PXDNL: variants seen among roughly 807,000 people sequenced by gnomAD.
The protein encoded by PXDNL is probable oxidoreductase PXDNL.
Under a neutral mutation model 150.8 loss-of-function variants are expected in PXDNL, and 145 were observed. The observed-to-expected ratio is 0.96, with a 90% CI of 0.84 to 1.10. The LOEUF is 1.10. Among genes scored for constraint, PXDNL ranks in the 50% least tolerant of loss-of-function variants. The probability of loss-of-function intolerance (pLI) is 0.00; values close to 1 mark genes in which losing one functional copy is unlikely to be tolerated. For missense variants in PXDNL, 2,087 were observed against 1,873.9 expected (o/e 1.11, Z -2.10); for synonymous variants, 757 against 725.7 (o/e 1.04, Z -0.69).
intron 5 of PXDNL, among the ~76,000 whole-genome samples, chr8:51,488,646 T>C (rs1810822643): frequency 6.6e-6 from 1 of 152,204 alleles, no homozygotes; most frequent in African/African-American, 2.4e-5. Context: ...TTACATCCAA[T>C]TGTTCAAACT....
At chr8:51,402,063 T>G (rs535027839) in intron 17 of PXDNL, among the ~76,000 whole-genome samples, 1 of 152,314 alleles carries the variant, frequency 6.6e-6, no homozygotes, top group South Asian at 2.1e-4. Flanking sequence ...TGCAAGTTTT[T>G]GGGAAGGAAT....
chr8:51,335,427 T>A (rs1443549594), intron 21 of PXDNL, among the ~76,000 whole-genome samples: 1 of 152,060 alleles, frequency 6.6e-6, no homozygotes, highest in Admixed American at 6.6e-5. Flanking sequence ...GGCTTGGGGA[T>A]CCTGTACAAA....
intron 4 of PXDNL, among the ~76,000 whole-genome samples, chr8:51,531,892 T>C (rs1423769354): frequency 1.3e-5 from 2 of 152,196 alleles, no homozygotes; most frequent in African/African-American, 4.8e-5. Flanking sequence ...CATAAAGTAA[T>C]GGTGAAGTGC....
intron 1 of PXDNL, among the ~76,000 whole-genome samples, chr8:51,773,367 C>T (rs566083463): frequency 6.6e-6 from 1 of 152,304 alleles, no homozygotes; most frequent in East Asian, 1.9e-4. Context: ...TACAGCCATT[C>T]TTTCACTCAG....
Position 51,671,912 on chromosome 8 carries a change from G to A in PXDNL, c.165-17152C>T, listed in dbSNP as rs185362330. 8.5e-5 allele frequency among the ~76,000 whole-genome samples: 13 copies of A among 152,274 alleles called. No individual in the cohort carries two copies. In the East Asian group the frequency reaches 9.6e-4, roughly 11 times the overall value. ...AGTTATTTGAAGAAGGTTGATAAGCGCATATTTTAAATAATGATTACCAAG... is the reference window on the plus strand; with the variant it reads ...AGTTATTTGAAGAAGGTTGATAAGCACATATTTTAAATAATGATTACCAAG... On this transcript the variant is annotated intron_variant, in intron 1 of 22. Transcript: ENST00000356297.
chr8:51,473,956 A>G (rs1810413127), intron 7 of PXDNL, among the ~76,000 whole-genome samples: 5 of 152,214 alleles, frequency 3.3e-5, no homozygotes. Flanking sequence ...AAGCTGGGAT[A>G]TCAGTTAAGA....
intron 2 of PXDNL, among the ~76,000 whole-genome samples, chr8:51,644,775 A>G (rs1814881903): frequency 6.6e-6 from 1 of 151,906 alleles, no homozygotes; most frequent in African/African-American, 2.4e-5. Flanking sequence ...TATTTTTAAA[A>G]AAATAAAAGC....
chr8:51,560,163 A>T (rs1271040560), intron 3 of PXDNL, among the ~76,000 whole-genome samples: 2 of 152,192 alleles, frequency 1.3e-5, no homozygotes, highest in South Asian at 4.1e-4. Flanking sequence ...GAAATTAAAG[A>T]GAATGTGAAT....
chr8:51,502,633 G>A (rs2130302137), intron 4 of PXDNL, among the ~76,000 whole-genome samples: 1 of 151,902 alleles, frequency 6.6e-6, no homozygotes, highest in South Asian at 2.1e-4. Flanking sequence ...TTCAAAGGGA[G>A]TATTCTAGCT....
intron 1 of PXDNL, among the ~76,000 whole-genome samples, chr8:51,775,481 C>G (rs1181662604): frequency 1.3e-5 from 2 of 152,148 alleles, no homozygotes; most frequent in Admixed American, 6.5e-5. Context: ...AGTCAAGGAC[C>G]TTGAACGGAG....
At chr8:51,391,371 G>T (rs1339410941) in intron 17 of PXDNL, among the ~76,000 whole-genome samples, 1 of 152,058 alleles carries the variant, frequency 6.6e-6, no homozygotes, top group Non-Finnish European at 1.5e-5. Context: ...GTGTAAAAGT[G>T]TTCCTATTTC....
intron 6 of PXDNL, among the ~76,000 whole-genome samples, chr8:51,477,229 A>G (rs1351650108): frequency 6.6e-6 from 1 of 152,246 alleles, no homozygotes; most frequent in African/African-American, 2.4e-5. Flanking sequence ...AAATTTTATT[A>G]TATTACCCTG....
chr8:51,762,987 G>A (rs1262978367), intron 1 of PXDNL, among the ~76,000 whole-genome samples: 1 of 152,124 alleles, frequency 6.6e-6, no homozygotes, highest in Non-Finnish European at 1.5e-5. Context: ...GTACAATTCA[G>A]TGGTTTCTAG....
intron 19 of PXDNL, among the ~76,000 whole-genome samples, chr8:51,369,387 T>C (rs982736525): frequency 1.4e-4 from 21 of 152,230 alleles, no homozygotes; most frequent in African/African-American, 5.1e-4. Flanking sequence ...AATTGGGAAG[T>C]GTAAGAAGCC....
intron 3 of PXDNL, among the ~76,000 whole-genome samples, chr8:51,576,156 A>G (rs1184089699): frequency 6.6e-6 from 1 of 151,310 alleles, no homozygotes; most frequent in Non-Finnish European, 1.5e-5. Context: ...CAATAACTTC[A>G]TAAAACAACA....
Position 51,345,831 on chromosome 8 carries a change from AC to A in PXDNL, c.4016+1del, listed in dbSNP as rs1316743233. 6.4e-7 allele frequency: 1 copy of A among 1,561,696 alleles called. No individual in the cohort carries two copies. The highest frequency in any genetic ancestry group is 1.7e-5 in the Admixed American group (1 of 59,758). On this transcript the variant is annotated splice_donor_variant, in intron 20 of 22. Transcript: ENST00000356297. LOFTEE classifies it high-confidence loss of function. ...AAAGAAATGAGATATTTCTATACAT[AC>A]CTACTTCTTAGATGACTTAACTCCA...
intron 9 of PXDNL, among the ~76,000 whole-genome samples, chr8:51,454,027 T>C (rs763374087): frequency 6.3e-4 from 96 of 152,252 alleles, no homozygotes; most frequent in Non-Finnish European, 1.1e-3. Flanking sequence ...CGATGTGTTA[T>C]AGATACTGCA....
chr8:51,483,890 CTCTA>C (rs1457528248), intron 5 of PXDNL, among the ~76,000 whole-genome samples, 176 bp from the exon 6 acceptor site: 1 of 152,156 alleles, frequency 6.6e-6, no homozygotes, highest in African/African-American at 2.4e-5. Flanking sequence ...ATTTACATAT[CTCTA>C]TCTACCACTA....
chr8:51,771,626 GAGAC>G (rs1483840274), intron 1 of PXDNL, among the ~76,000 whole-genome samples: 3 of 152,116 alleles, frequency 2.0e-5, no homozygotes, highest in South Asian at 4.1e-4. Context: ...AATAGAGACA[GAGAC>G]AGAGAGAAAA....
Sources: gnomAD v4.1 joint callset for allele counts (sites outside exome capture counted in the v4.1 genomes callset) on GRCh38, gnomAD v4.1.1 for gene constraint, MANE v1.5 for transcripts, NCBI Gene and HGNC (gene_info 2026-07-23, HGNC 2026-07-21) for gene names.